Variants in SORCS3 observed in about 807,000 individuals in gnomAD.
SORCS3 encodes sortilin related VPS10 domain containing receptor 3.
SORCS3 carries 57 observed loss-of-function variants against 146.3 expected under a neutral mutation model. The observed-to-expected ratio is 0.39, with a 90% CI of 0.31 to 0.49. SORCS3 has a LOEUF of 0.49. Ranked by LOEUF, SORCS3 falls within the 20% of genes least tolerant of loss-of-function variation. The pLI is 0.92. For synonymous variants in SORCS3, 653 were observed against 618.5 expected, an observed-to-expected ratio of 1.06 and a Z score of -0.83; for missense variants, 1,341 against 1,575.5, an observed-to-expected ratio of 0.85 and a Z score of 2.52.
At chr10:104,663,993 A>T (rs1307425808) in intron 1 of SORCS3, among the ~76,000 whole-genome samples, 1 of 152,198 alleles carries the variant, frequency 6.6e-6, no homozygotes, top group African/African-American at 2.4e-5. Flanking sequence ...AAGGAGAATG[A>T]CAGGATATAT....
At chr10:105,060,341 G>A (rs1174817597) in intron 5 of SORCS3, among the ~76,000 whole-genome samples, 1 of 152,176 alleles carries the variant, frequency 6.6e-6, no homozygotes, top group Non-Finnish European at 1.5e-5. Flanking sequence ...TGCTTGGAGA[G>A]AGAGAGATTG....
chr10:105,240,867 C>A (rs1221856563), intron 20 of SORCS3, among the ~76,000 whole-genome samples: 2 of 151,776 alleles, frequency 1.3e-5, no homozygotes, highest in Non-Finnish European at 2.9e-5. Context: ...ATTTTTTCAT[C>A]ATAAATTAGA....
chr10:105,224,599 T>C (rs1371628641), intron 20 of SORCS3, among the ~76,000 whole-genome samples: 2 of 152,206 alleles, frequency 1.3e-5, no homozygotes, highest in Non-Finnish European at 2.9e-5. Context: ...TTTGGATAAA[T>C]ACTAAGAGCA....
chr10:104,711,045 G>GGT (rs1449915597), intron 1 of SORCS3, among the ~76,000 whole-genome samples: 3 of 152,100 alleles, frequency 2.0e-5, no homozygotes, highest in Non-Finnish European at 4.4e-5. Context: ...GAACCACTTT[G>GGT]GTATGCAAGT....
chr10:105,229,485 A>T (rs1010255212), intron 20 of SORCS3, among the ~76,000 whole-genome samples: 3 of 151,968 alleles, frequency 2.0e-5, no homozygotes, highest in Non-Finnish European at 4.4e-5. Flanking sequence ...TACTTCTTCC[A>T]GTTTTTTGAA....
intron 3 of SORCS3, among the ~76,000 whole-genome samples, chr10:104,936,507 A>T (rs961201011): frequency 6.6e-6 from 1 of 152,134 alleles, no homozygotes; most frequent in Non-Finnish European, 1.5e-5. Context: ...ATATTAACAA[A>T]ACATAGATGG....
At chr10:105,248,265 G>A (rs930515560) in intron 22 of SORCS3, among the ~76,000 whole-genome samples, 1 of 152,194 alleles carries the variant, frequency 6.6e-6, no homozygotes, top group African/African-American at 2.4e-5. Flanking sequence ...ATGGGGCAGA[G>A]AGAACAGTAT....
intron 5 of SORCS3, among the ~76,000 whole-genome samples, chr10:105,052,427 A>G (rs2055419617): frequency 1.3e-5 from 2 of 152,176 alleles, no homozygotes; most frequent in South Asian, 4.1e-4. Context: ...GGCATGAGAA[A>G]TACTCATTTC....
At chr10:104,787,732 G>T (rs1157831050) in intron 1 of SORCS3, among the ~76,000 whole-genome samples, 1 of 152,086 alleles carries the variant, frequency 6.6e-6, no homozygotes, top group Non-Finnish European at 1.5e-5. Context: ...TCCATAATTG[G>T]TACCTTTTTC....
intron 2 of SORCS3, among the ~76,000 whole-genome samples, chr10:104,882,178 A>G (rs2018638769): frequency 6.6e-6 from 1 of 152,222 alleles, no homozygotes; most frequent in South Asian, 2.1e-4. Flanking sequence ...TTGTGGGTAG[A>G]GATCCACCTG....
chr10:105,046,373 T>C (rs1564741860), intron 5 of SORCS3, among the ~76,000 whole-genome samples: 1 of 152,058 alleles, frequency 6.6e-6, no homozygotes, highest in Non-Finnish European at 1.5e-5. Context: ...CCTTCATGAG[T>C]GTCCGGTTTC....
intron 14 of SORCS3, among the ~76,000 whole-genome samples, chr10:105,192,400 TC>T (rs2056521800): frequency 6.6e-6 from 1 of 152,000 alleles, no homozygotes; most frequent in Admixed American, 6.6e-5. Context: ...TGCAGAGGCT[TC>T]TAGCCTGAAG....
chr10:104,942,862 C>T (rs1357615362), intron 3 of SORCS3, among the ~76,000 whole-genome samples: 1 of 152,120 alleles, frequency 6.6e-6, no homozygotes. Flanking sequence ...TGAAAGTTTC[C>T]CTCCTAAGAT....
chr10:105,235,436 CTG>C (rs5787570), intron 20 of SORCS3, among the ~76,000 whole-genome samples: 35,551 of 140,886 alleles, frequency 0.25, 4,184 homozygotes, highest in South Asian at 0.37. Context: ...AACTCTCAGA[CTG>C]TGTGTGTGTG....
At chr10:105,100,023 A>G (rs992263774) in intron 6 of SORCS3, among the ~76,000 whole-genome samples, 9 of 152,182 alleles carry the variant, frequency 5.9e-5, no homozygotes, top group Admixed American at 1.3e-4. Flanking sequence ...CCTTCTCACC[A>G]TATGAGATCC....
At chr10:105,256,986 A>C (rs1318083441) in intron 25 of SORCS3, 62 bp downstream of exon 25, 1 of 1,181,614 alleles carries the variant, frequency 8.5e-7, no homozygotes, top group East Asian at 2.4e-5. Flanking sequence ...GATTCTTCCT[A>C]TAACTAACTT....
intron 16 of SORCS3, among the ~76,000 whole-genome samples, chr10:105,209,159 G>A (rs1413684798): frequency 6.6e-6 from 1 of 151,004 alleles, no homozygotes; most frequent in African/African-American, 2.4e-5. Flanking sequence ...TTTTTCTTTT[G>A]AGACGGAGTT....
At chr10:104,759,484 G>A (rs1343221848) in intron 1 of SORCS3, among the ~76,000 whole-genome samples, 2 of 152,172 alleles carry the variant, frequency 1.3e-5, no homozygotes, top group Admixed American at 6.5e-5. Context: ...CTCTCTCACT[G>A]CCATTCCAAC....
At chr10:105,046,261 A>G (rs1353721960) in intron 5 of SORCS3, among the ~76,000 whole-genome samples, 1 of 152,126 alleles carries the variant, frequency 6.6e-6, no homozygotes, top group African/African-American at 2.4e-5. Flanking sequence ...AATATTACAA[A>G]TAACAATATT....
Sources: allele counts gnomAD v4.1 joint callset (sites outside exome capture counted in the v4.1 genomes callset), GRCh38; gene constraint gnomAD v4.1.1; transcripts MANE v1.5; gene names NCBI Gene and HGNC (gene_info 2026-07-23, HGNC 2026-07-21).